Variants in ZNF254 observed in about 807,000 individuals in gnomAD.
The protein encoded by ZNF254 is zinc finger protein 254, also known as CTD-2017D11.1.
Under a neutral mutation model 12.4 loss-of-function variants are expected in ZNF254, and 10 were observed. The ratio of observed to expected loss-of-function variants is 0.80; its 90% CI spans 0.50 to 1.36. ZNF254 has a LOEUF of 1.36. Ranked by LOEUF, ZNF254 falls within the 40% of genes most tolerant of loss-of-function variation. The pLI is 0.00. For missense variants in ZNF254, 996 were observed against 763.9 expected, an observed-to-expected ratio of 1.30 and a Z score of -3.58; for synonymous variants, 305 against 253.4, an observed-to-expected ratio of 1.20 and a Z score of -1.93.
intron 2 of ZNF254, among the ~76,000 whole-genome samples, chr19:24,053,104 A>G (rs1284719209): frequency 1.3e-5 from 2 of 152,188 alleles, no homozygotes; most frequent in Non-Finnish European, 2.9e-5. Flanking sequence ...TCTGAATCTC[A>G]TACCCAGATG....
At chr19:24,084,305 GA>G (rs893780988), upstream of ZNF254, among the ~76,000 whole-genome samples, 7 of 151,238 alleles carry the variant, frequency 4.6e-5, no homozygotes, top group African/African-American at 1.7e-4. Flanking sequence ...ACTAAAAAAT[GA>G]AAAAAACAAA....
At position 24,126,553 on chromosome 19, in the gene ZNF254, A is replaced by G. The variant is rs757364652; in HGVS notation, c.553A>G (p.Lys185Glu). 92 of 1,603,524 alleles carry G rather than the reference A, an allele frequency of 5.7e-5. No individual in the cohort carries two copies. The Middle Eastern group carries it at 8.3e-4, about 15-fold the overall frequency. ...TACTGAAAAGAAATCTTTCAAATGT[A>G]AAAAACGTGTCAAATTATTTTGCAT... ...RHTEKKSFKC[K>E]KRVKLFCMLS... is the part of the protein sequence containing the mutation. Residue 185 changes from lysine to glutamate, a missense_variant, in exon 4 of 4, where the codon AAA (lysine) becomes GAA (glutamate). Physicochemically the swap from Lys to Glu is moderately conservative, Grantham distance 56 (BLOSUM62 1). Transcript: ENST00000357002.
At chr19:24,105,079 C>T (rs148903464) in intron 1 of ZNF254, 4,802 of 152,430 alleles carry the variant, frequency 0.032, 131 homozygotes, top group South Asian at 0.065. Context: ...GTAGTAATGT[C>T]GTGTCCTTCT....
In ZNF254 at chr19:24,121,862, G is replaced by GT. The variant is rs960801133; in HGVS notation, c.254-4383dup. On this transcript the variant is annotated intron_variant, in intron 3 of 3. Coordinates refer to ENST00000357002, the MANE Select transcript of ZNF254 (RefSeq NM_203282.4). ...GAGCCACCACACCAGGCTACCCTTG[G>GT]TTTTTTTTTGTTTGTTTTTTGTATA... 4.3e-3 allele frequency among the ~76,000 whole-genome samples: 648 copies of GT among 150,926 alleles called. 6 individuals carry two copies. The highest frequency in any genetic ancestry group is 0.015 in the African/African-American group (615 of 41,172).
intron 2 of ZNF254, among the ~76,000 whole-genome samples, chr19:24,058,698 G>A (rs1221616155): frequency 2.0e-5 from 3 of 151,990 alleles, no homozygotes; most frequent in Non-Finnish European, 4.4e-5. Flanking sequence ...GTGAGCCACC[G>A]TGCCCGGCCA....
intron 3 of ZNF254, among the ~76,000 whole-genome samples, chr19:24,124,052 G>T (rs556454969): frequency 3.0e-4 from 45 of 151,892 alleles, no homozygotes; most frequent in African/African-American, 1.0e-3. Context: ...TTGCATCTTT[G>T]TCTTTTATTC....
intron 1 of ZNF254, among the ~76,000 whole-genome samples, chr19:24,089,403 G>A (rs1024625770): frequency 3.3e-5 from 5 of 151,146 alleles, no homozygotes; most frequent in Non-Finnish European, 5.9e-5. Flanking sequence ...ATATCTCTGC[G>A]TTTTTTTTTC....
intron 1 of ZNF254, among the ~76,000 whole-genome samples, chr19:24,097,906 T>C (rs1972769232): frequency 6.6e-6 from 1 of 152,176 alleles, no homozygotes; most frequent in Non-Finnish European, 1.5e-5. Context: ...CCTTGGTTTC[T>C]ATTTATTACT....
upstream of ZNF254, among the ~76,000 whole-genome samples, chr19:24,083,080 TA>T (rs1245545729): frequency 2.6e-5 from 4 of 152,092 alleles, no homozygotes; most frequent in South Asian, 2.1e-4. Flanking sequence ...TAAATACTCA[TA>T]AAAAAGCATC....
intron 1 of ZNF254, among the ~76,000 whole-genome samples, chr19:24,102,225 ATTTGT>A (rs1973073137): frequency 7.7e-6 from 1 of 130,562 alleles, no homozygotes; most frequent in African/African-American, 3.1e-5. Context: ...AATAAACAAA[ATTTGT>A]TTTTTTTTTT....
chr19:24,044,565 A>G (rs1160037842), intron 1 of ZNF254, among the ~76,000 whole-genome samples: 1 of 152,122 alleles, frequency 6.6e-6, no homozygotes, highest in African/African-American at 2.4e-5. Context: ...AATAAATACA[A>G]AAATAGCACT....
At chr19:24,066,260 A>C (rs1368216881) in intron 2 of ZNF254, 1 of 152,170 alleles carries the variant, frequency 6.6e-6, no homozygotes, top group Non-Finnish European at 1.5e-5. Flanking sequence ...ATTACAGGAA[A>C]GATGATTGAC....
In ZNF254 at chr19:24,126,392, A is replaced by G. The variant is rs1347377325; in HGVS notation, c.392A>G (p.Glu131Gly). ...QLRKGCKSVD[E>G]YKVNKEGYNG... is the part of the protein sequence containing the mutation. ...AGAAAAGGCTGTAAAAGTGTGGATG[A>G]GTATAAGGTGAACAAAGAAGGTTAT... The change falls in exon 4 of 4, where the codon GAG (glutamate) becomes GGG (glycine). Residue 131 changes from glutamate to glycine, a missense_variant. By Grantham distance (98) the Glu-to-Gly change is moderately conservative. Transcript: ENST00000357002. The G allele has an allele frequency of 1.2e-6, 2 of 1,608,066 alleles. No individual in the cohort carries two copies. The highest frequency in any genetic ancestry group is 1.1e-5 in the South Asian group (1 of 89,532).
chr19:24,045,186 A>T (rs1467162761), intron 1 of ZNF254, among the ~76,000 whole-genome samples: 1 of 152,220 alleles, frequency 6.6e-6, no homozygotes, highest in East Asian at 1.9e-4. Flanking sequence ...AAGCTGTACC[A>T]GCAGCTCCTG....
intron 3 of ZNF254, among the ~76,000 whole-genome samples, chr19:24,122,949 A>G (rs1392594529): frequency 6.7e-6 from 1 of 149,460 alleles, no homozygotes; most frequent in African/African-American, 2.5e-5. Flanking sequence ...TTGTAGTGTG[A>G]TTTAATCAAG....
intron 2 of ZNF254, chr19:24,049,090 C>T (rs1970522395): frequency 6.7e-6 from 1 of 149,388 alleles, no homozygotes; most frequent in Admixed American, 6.7e-5. Flanking sequence ...AACTACCTAC[C>T]TACCTACCTA....
intron 1 of ZNF254, chr19:24,098,591 T>C (rs1019235469): frequency 1.3e-5 from 2 of 152,240 alleles, no homozygotes; most frequent in African/African-American, 4.8e-5. Flanking sequence ...CTATGCACTT[T>C]GGGTATTTAG....
chr19:24,048,814 G>A (rs62113756), intron 2 of ZNF254: 24,230 of 151,832 alleles, frequency 0.16, 2,106 homozygotes, highest in Middle Eastern at 0.24. Flanking sequence ...CTACAGCCTC[G>A]ACCTCCCTGG....
At chr19:24,050,166 A>T (rs1352027249) in intron 2 of ZNF254, among the ~76,000 whole-genome samples, 1 of 151,534 alleles carries the variant, frequency 6.6e-6, no homozygotes, top group African/African-American at 2.4e-5. Flanking sequence ...TATTTATTTT[A>T]ATTTTATTTT....
Sources: allele counts gnomAD v4.1 joint callset (sites outside exome capture counted in the v4.1 genomes callset), GRCh38; gene constraint gnomAD v4.1.1; transcripts MANE v1.5; gene names NCBI Gene and HGNC (gene_info 2026-07-23, HGNC 2026-07-21).